The following MYO6 variants were observed in gnomAD, a reference collection of about 807,000 sequenced individuals.
MYO6 encodes the protein myosin VI, also known as unconventional myosin-VI.
MYO6 carries 74 observed loss-of-function variants against 178.7 expected under a neutral mutation model. The observed-to-expected ratio is 0.41, with a 90% CI of 0.34 to 0.50. MYO6 has a LOEUF of 0.50. Ranked by LOEUF, MYO6 falls within the 20% of genes least tolerant of loss-of-function variation. MYO6 has a pLI of 0.09. For missense variants in MYO6, 1,330 were observed against 1,547.4 expected, an observed-to-expected ratio of 0.86 and a Z score of 2.36; for synonymous variants, 477 against 504.6, an observed-to-expected ratio of 0.95 and a Z score of 0.73.
At chr6:75,757,994 T>TTTTTG in intron 1 of MYO6, among the ~76,000 whole-genome samples, 2 of 145,158 alleles carry the variant, frequency 1.4e-5, no homozygotes, top group Non-Finnish European at 3.0e-5. Flanking sequence ...TTTTTTTTTT[T>TTTTTG]TGAGATGGAG....
chr6:75,890,012 A>G, intron 25 of MYO6, 45 bp from the exon 26 acceptor site: 1 of 1,359,482 alleles, frequency 7.4e-7, no homozygotes, highest in Non-Finnish European at 1.1e-6. Flanking sequence ...GTTGTGCAAC[A>G]GAAGAAATAA....
chr6:75,844,644 T>C (rs553057891), intron 9 of MYO6, among the ~76,000 whole-genome samples: 3 of 152,256 alleles, frequency 2.0e-5, no homozygotes, highest in Admixed American at 6.5e-5. Context: ...AGAAAACTTT[T>C]ATGTCATTGA....
At chr6:75,761,241 G>A (rs1034852079) in intron 1 of MYO6, among the ~76,000 whole-genome samples, 6 of 152,054 alleles carry the variant, frequency 3.9e-5, no homozygotes, top group Admixed American at 6.6e-5. Flanking sequence ...AATGTAAAGT[G>A]AAAAACTAGT....
At chr6:75,848,837 C>T (rs550475455) in intron 11 of MYO6, among the ~76,000 whole-genome samples, 7 of 152,030 alleles carry the variant, frequency 4.6e-5, no homozygotes, top group Admixed American at 1.3e-4. Context: ...AGTTATATTA[C>T]ACTTTTCCAA....
In MYO6 at chr6:75,792,614, C is replaced by CT. The variant is rs1235833740; in HGVS notation, c.-47-24877dup. 3.0e-3 allele frequency among the ~76,000 whole-genome samples: 444 copies of CT among 148,928 alleles called. 4 individuals carry two copies. Among genetic ancestry groups the CT allele is most frequent in the Non-Finnish European group, 4.5e-3 (305 of 67,102 alleles). On this transcript the variant is annotated intron_variant, in intron 1 of 34. Coordinates refer to ENST00000369977, the MANE Select transcript of MYO6 (RefSeq NM_004999.4). ...AACATTTTCAAATATTGAAAAATTA[C>CT]TTTTTTTTTTGTGGGATTGCCACTA...
chr6:75,816,163 T>C lies in MYO6; in HGVS notation c.-47-1338T>C, dbSNP rs182762464. 8.7e-4 allele frequency among the ~76,000 whole-genome samples: 132 copies of C among 152,318 alleles called. 2 individuals are homozygous for C. Among genetic ancestry groups the C allele is most frequent in the East Asian group, 8.5e-3 (44 of 5,188 alleles). On this transcript the variant is annotated intron_variant, in intron 1 of 34. Transcript: ENST00000369977. The stretch of plus-strand genomic sequence containing the variant: ...CAATAGGTGAACAACTGTGGTATAG[T>C]CATTCATTGGACTAGTACGCACTAC...
At chr6:75,815,888 C>G (rs1410705292) in intron 1 of MYO6, among the ~76,000 whole-genome samples, 1 of 152,140 alleles carries the variant, frequency 6.6e-6, no homozygotes, top group Non-Finnish European at 1.5e-5. Context: ...AAATAAGTGC[C>G]TGTCAAGATG....
chr6:75,780,244 C>T (rs1217897423), intron 1 of MYO6, among the ~76,000 whole-genome samples: 3 of 152,108 alleles, frequency 2.0e-5, no homozygotes, highest in African/African-American at 7.2e-5. Context: ...AGTTCAAGAC[C>T]GGCCTCGCCA....
At position 75,840,665 on chromosome 6, in the gene MYO6, A is replaced by G; in HGVS notation, c.634A>G (p.Ile212Val). 6.2e-7 allele frequency: 1 copy of G among 1,611,456 alleles called. No individual in the cohort carries two copies. Among genetic ancestry groups the G allele is most frequent in the African/African-American group, 1.3e-5 (1 of 74,978 alleles). ...CAGTCGATTTGGGAAATTTGTAGAA[A>G]TACATTTTAATGAAAAGGTAAGTGA... ...NSSRFGKFVE[I>V]HFNEKSSVVG... Residue 212 changes from isoleucine to valine, a missense_variant, in exon 8 of 35, where the codon ATA (isoleucine) becomes GTA (valine). Coordinates refer to ENST00000369977, the MANE Select transcript of MYO6 (RefSeq NM_004999.4).
At chr6:75,859,395 G>A (rs1157052232) in intron 14 of MYO6, among the ~76,000 whole-genome samples, 1 of 151,904 alleles carries the variant, frequency 6.6e-6, no homozygotes, top group Non-Finnish European at 1.5e-5. Flanking sequence ...CGTTTCCCGG[G>A]TTCAAGCGAT....
At position 75,838,513 on chromosome 6, in the gene MYO6, G is replaced by A. The variant is rs147099280; in HGVS notation, c.554-2072G>A. Among the ~76,000 whole-genome samples, 207 of 152,062 alleles carry A rather than the reference G, an allele frequency of 1.4e-3. 1 individual carries two copies. Among genetic ancestry groups the A allele is most frequent in the African/African-American group, 4.7e-3 (194 of 41,494 alleles). ...TTGGAGAGGTTCTTATCCTATTTTG[G>A]GATATTTTACTTGTATTAAATTCTT... On this transcript the variant is annotated intron_variant, in intron 7 of 34. Coordinates refer to ENST00000369977, the MANE Select transcript of MYO6 (RefSeq NM_004999.4).
intron 10 of MYO6, among the ~76,000 whole-genome samples, chr6:75,847,071 G>T (rs540468732): frequency 6.6e-6 from 1 of 152,178 alleles, no homozygotes; most frequent in African/African-American, 2.4e-5. Context: ...TTTTTAGTCT[G>T]CCATACAGCA....
At chr6:75,814,068 C>T (rs957629185) in intron 1 of MYO6, among the ~76,000 whole-genome samples, 2 of 152,168 alleles carry the variant, frequency 1.3e-5, no homozygotes, top group African/African-American at 4.8e-5. Context: ...ATCATAGCAC[C>T]AGGACTTGCC....
intron 11 of MYO6, among the ~76,000 whole-genome samples, chr6:75,852,969 C>T (rs77907556): frequency 1.7e-3 from 258 of 152,236 alleles, no homozygotes; most frequent in African/African-American, 6.0e-3. Context: ...CCATCAGAAG[C>T]GTATGAGGGT....
Position 75,822,811 on chromosome 6 carries a change from T to C in MYO6, c.147T>C (p.Phe49=). ...TTTTGGCTCTCATAAACCAAGTGTT[T>C]CCTGCAGAAGAGGACAGTAAAAAAG... is the stretch of plus-strand genomic sequence containing the variant. ...KTFLALINQV[F]PAEEDSKKDV... is the part of the protein sequence containing the mutation. Residue 49 remains phenylalanine, a synonymous_variant, in exon 3 of 35, where the codon TTT becomes TTC. Transcript: ENST00000369977. 1 of 1,613,586 alleles carries C rather than the reference T, an allele frequency of 6.2e-7. No homozygotes were observed. The highest frequency in any genetic ancestry group is 8.5e-7 in the Non-Finnish European group (1 of 1,179,708).
rs1314142625 is a variant in MYO6 at position 75,841,264 on chromosome 6, G to A, written c.702G>A (p.Arg234=). ...CACATTATCTCCTAGAGAAATCTAG[G>A]ATCTGTGTTCAAGGCAAAGAGGAAA... ...FVSHYLLEKS[R]ICVQGKEERN... Residue 234 remains arginine, a synonymous_variant, in exon 9 of 35, where the codon AGG becomes AGA. Transcript: ENST00000369977. The A allele has an allele frequency of 1.2e-6, 2 of 1,613,954 alleles. No individual in the cohort carries two copies. The highest frequency in any genetic ancestry group is 4.5e-5 in the East Asian group (2 of 44,864).
intron 30 of MYO6, among the ~76,000 whole-genome samples, chr6:75,899,097 T>C (rs1048999387): frequency 6.6e-6 from 1 of 152,216 alleles, no homozygotes; most frequent in South Asian, 2.1e-4. Flanking sequence ...ACTCCAGAGA[T>C]GGGGGTGGGG....
chr6:75,869,207 T>C (rs1776942805), intron 18 of MYO6, among the ~76,000 whole-genome samples: 1 of 151,946 alleles, frequency 6.6e-6, no homozygotes. Flanking sequence ...TCAGATTGAT[T>C]ACGGTTGTCA....
chr6:75,832,394 A>G (rs375763166), intron 5 of MYO6, among the ~76,000 whole-genome samples: 2 of 152,220 alleles, frequency 1.3e-5, no homozygotes, highest in East Asian at 3.8e-4. Flanking sequence ...TATTAGAGAA[A>G]AAAACCCAAG....
Sources: gnomAD v4.1 joint callset for allele counts (sites outside exome capture counted in the v4.1 genomes callset) on GRCh38, gnomAD v4.1.1 for gene constraint, MANE v1.5 for transcripts, NCBI Gene and HGNC (gene_info 2026-07-23, HGNC 2026-07-21) for gene names.